Variants in TP63 observed in about 807,000 individuals in gnomAD.
TP63 encodes the protein tumor protein p63.
In TP63, 17 loss-of-function variants were observed where a neutral mutation model predicts 82.8. The ratio of observed to expected loss-of-function variants is 0.21; its 90% CI spans 0.14 to 0.31. The LOEUF is 0.31. Among genes scored for constraint, TP63 ranks in the 10% least tolerant of loss-of-function variants. The pLI, the probability that TP63 is intolerant of heterozygous loss-of-function variation, is 1.00. For missense variants in TP63, 648 were observed against 895.3 expected (o/e 0.72, Z 3.52); for synonymous variants, 330 against 321.7 (o/e 1.03, Z -0.28).
intron 10 of TP63, among the ~76,000 whole-genome samples, chr3:189,877,525 A>C (rs574198941): frequency 2.0e-5 from 3 of 152,164 alleles, no homozygotes; most frequent in Non-Finnish European, 4.4e-5. Context: ...CTGGAAATTT[A>C]TTTTTGAGCT....
chr3:189,722,366 G>C (rs1357652040), intron 1 of TP63, among the ~76,000 whole-genome samples: 1 of 152,220 alleles, frequency 6.6e-6, no homozygotes, highest in Non-Finnish European at 1.5e-5. Flanking sequence ...CGCGTCTTTA[G>C]TGTCAGCAAT....
rs149271681 is a variant in TP63, at chr3:189,840,186, G to A, written c.580-24046G>A. Among the ~76,000 whole-genome samples, 1,038 of 152,000 alleles carry A rather than the reference G, an allele frequency of 6.8e-3. 8 individuals carry two copies. Among genetic ancestry groups the A allele is most frequent in the Middle Eastern group, 0.01 (3 of 294 alleles). On this transcript the variant is annotated intron_variant, in intron 4 of 13. Coordinates refer to ENST00000264731, the MANE Select transcript of TP63 (RefSeq NM_003722.5). ...GTATTCAGAGTATTTGAGTGTATAC[G>A]TACGGGTGGTAAGTGTTGTTTTTCA... is the stretch of plus-strand genomic sequence containing the variant.
Position 189,895,823 on chromosome 3 carries a change from T to A in TP63, c.*1321T>A. 3 of 225,680 alleles carry A rather than the reference T, an allele frequency of 1.3e-5. No homozygotes were observed. The highest frequency in any genetic ancestry group is 2.6e-5 in the Non-Finnish European group (3 of 113,462). 14.0% of individuals were successfully genotyped at this position (225,680 alleles called of 1,614,324 possible). A position where few individuals can be genotyped will look rare whatever the true frequency, so the allele number is the denominator to read the frequency against. On this transcript the variant is annotated 3_prime_UTR_variant, in exon 14 of 14. Transcript: ENST00000264731. The stretch of plus-strand genomic sequence containing the variant: ...TGGTGATTTGAAAAATATAAAATTA[T>A]GAGATTGGTTTTCCTGTGGCATAAA...
intron 1 of TP63, among the ~76,000 whole-genome samples, chr3:189,640,807 G>T (rs773863653): frequency 2.6e-5 from 4 of 152,054 alleles, no homozygotes; most frequent in Non-Finnish European, 5.9e-5. Context: ...TACAGAATAT[G>T]CCTGAAAAAG....
rs546732577 is a variant in TP63 at position 189,822,651 on chromosome 3, G to A, written c.579+14125G>A. Among the ~76,000 whole-genome samples, 9 of 152,264 alleles carry A rather than the reference G, an allele frequency of 5.9e-5. No individual in the cohort carries two copies. In the East Asian group the frequency reaches 1.5e-3, roughly 26 times the overall value. On this transcript the variant is annotated intron_variant, in intron 4 of 13. Coordinates refer to ENST00000264731, the MANE Select transcript of TP63 (RefSeq NM_003722.5). Reference sequence around the variant, plus strand: ...ACAAGTGCCTTCAATAATTGTTTCAGAAGCACAATTTTGAGATAAGTTAAA... The same window carrying A: ...ACAAGTGCCTTCAATAATTGTTTCAAAAGCACAATTTTGAGATAAGTTAAA...
At chr3:189,790,916 C>T (rs1270528582) in intron 3 of TP63, among the ~76,000 whole-genome samples, 2 of 152,120 alleles carry the variant, frequency 1.3e-5, no homozygotes, top group African/African-American at 4.8e-5. Context: ...GTATTGACCA[C>T]GCTATTGTCT....
At chr3:189,826,329 A>G (rs1422828146) in intron 4 of TP63, among the ~76,000 whole-genome samples, 3 of 152,222 alleles carry the variant, frequency 2.0e-5, no homozygotes, top group African/African-American at 7.2e-5. Flanking sequence ...ATTAGTCCAC[A>G]TCCAGAAATT....
At chr3:189,861,452 G>A (rs1397669617) in intron 4 of TP63, among the ~76,000 whole-genome samples, 2 of 151,898 alleles carry the variant, frequency 1.3e-5, no homozygotes, top group Non-Finnish European at 2.9e-5. Flanking sequence ...GGGGTAGGGG[G>A]AATTAGAGAT....
intron 13 of TP63, among the ~76,000 whole-genome samples, chr3:189,893,881 A>G (rs1196811457): frequency 6.6e-6 from 1 of 152,132 alleles, no homozygotes; most frequent in African/African-American, 2.4e-5. Flanking sequence ...AGGTAAATTC[A>G]AGCATAAGTA....
chr3:189,746,851 G>T (rs978823072), intron 3 of TP63, among the ~76,000 whole-genome samples: 55 of 149,594 alleles, frequency 3.7e-4, no homozygotes, highest in African/African-American at 1.3e-3. Flanking sequence ...AACTCATCTC[G>T]CCTGGAAAGA....
At chr3:189,790,954 G>A (rs1296065503) in intron 3 of TP63, among the ~76,000 whole-genome samples, 1 of 152,142 alleles carries the variant, frequency 6.6e-6, no homozygotes. Context: ...AAATACAACA[G>A]GGGAAATATC....
At chr3:189,795,112 A>G (rs923802583) in intron 3 of TP63, among the ~76,000 whole-genome samples, 3 of 151,990 alleles carry the variant, frequency 2.0e-5, no homozygotes, top group Admixed American at 6.6e-5. Flanking sequence ...TAAAGACCCC[A>G]TTCTTTATTT....
At chr3:189,603,661 AAAAAAAAAAAAAAAAG>A in the TP63 span, among the ~76,000 whole-genome samples, 1 of 124,772 alleles carries the variant, frequency 8.0e-6, no homozygotes, top group African/African-American at 2.8e-5. Context: ...AAAAAAAAAA[AAAAAAAAAAAAAAAAG>A]AAGCACAGTC....
At chr3:189,867,066 G>A (rs1417247394) in intron 6 of TP63, among the ~76,000 whole-genome samples, 1 of 152,164 alleles carries the variant, frequency 6.6e-6, no homozygotes, top group Admixed American at 6.5e-5. Context: ...ACTGGCAATT[G>A]GGTGTATACA....
At chr3:189,893,868 G>A (rs1017210648) in intron 13 of TP63, among the ~76,000 whole-genome samples, 3 of 152,094 alleles carry the variant, frequency 2.0e-5, no homozygotes, top group African/African-American at 7.2e-5. Context: ...CTAGTGACTA[G>A]CCAGGTAAAT....
chr3:189,670,574 T>C (rs1282530239), intron 1 of TP63, among the ~76,000 whole-genome samples: 1 of 151,902 alleles, frequency 6.6e-6, no homozygotes, highest in Non-Finnish European at 1.5e-5. Flanking sequence ...GAAGAAATCA[T>C]AAAAGAAAAT....
chr3:189,649,327 A>G (rs6808068), intron 1 of TP63, among the ~76,000 whole-genome samples: 55,909 of 146,082 alleles, frequency 0.38, 14,058 homozygotes, highest in East Asian at 0.48. Flanking sequence ...TTGCAGGAAC[A>G]TGGATAGAAC....
chr3:189,730,584 T>G (rs921622393), intron 1 of TP63, among the ~76,000 whole-genome samples: 1 of 152,222 alleles, frequency 6.6e-6, no homozygotes, highest in African/African-American at 2.4e-5. Context: ...AGTAACAACT[T>G]CCCTATCCTT....
intron 1 of TP63, among the ~76,000 whole-genome samples, chr3:189,720,687 C>T (rs1719313420): frequency 7.1e-6 from 1 of 141,790 alleles, no homozygotes; most frequent in Admixed American, 7.6e-5. Flanking sequence ...TGAGCTGAGA[C>T]TATGCCATTG....
Sources: gnomAD v4.1 joint callset for allele counts (sites outside exome capture counted in the v4.1 genomes callset) on GRCh38, gnomAD v4.1.1 for gene constraint, MANE v1.5 for transcripts, NCBI Gene and HGNC (gene_info 2026-07-23, HGNC 2026-07-21) for gene names.